TLE1: variants seen among roughly 807,000 people sequenced by gnomAD.
The protein encoded by TLE1 is transducin-like enhancer protein 1.
TLE1 carries 21 observed loss-of-function variants against 89.8 expected under a neutral mutation model. The observed-to-expected ratio is 0.23, with a 90% confidence interval of 0.17 to 0.34. The LOEUF (loss-of-function observed/expected upper bound fraction) is 0.34. TLE1 is among the 10% of genes least tolerant of loss of function. The pLI, the probability that TLE1 is intolerant of heterozygous loss-of-function variation, is 1.00. For missense variants in TLE1, 795 were observed against 1,031.2 expected, an observed-to-expected ratio of 0.77 and a Z score of 3.14; for synonymous variants, 447 against 407.6, an observed-to-expected ratio of 1.10 and a Z score of -1.16.
At chr9:81,648,479 T>C (rs1477916790) in intron 6 of TLE1, among the ~76,000 whole-genome samples, 2 of 152,178 alleles carry the variant, frequency 1.3e-5, no homozygotes, top group Non-Finnish European at 2.9e-5. Flanking sequence ...TGCATTTCAC[T>C]ATATTACAAT....
chr9:81,663,917 C>G (rs565995221), intron 4 of TLE1, among the ~76,000 whole-genome samples: 1 of 152,096 alleles, frequency 6.6e-6, no homozygotes, highest in Non-Finnish European at 1.5e-5. Context: ...AGCCACCACA[C>G]CTGGCCAGAA....
In TLE1 at chr9:81,593,065, T is replaced by C. The variant is rs745687169; in HGVS notation, c.1541A>G (p.His514Arg). The C allele has an allele frequency of 6.2e-7, 1 of 1,613,884 alleles. No individual in the cohort carries two copies. The highest frequency in any genetic ancestry group is 1.3e-5 in the African/African-American group (1 of 74,998). ...GGAGACAGGGCTCTTATTGCCAGGGTGGCTGATGTCCCAGACCTTGACGCA... is the reference window on the plus strand; with the variant it reads ...GGAGACAGGGCTCTTATTGCCAGGGCGGCTGATGTCCCAGACCTTGACGCA... ...KGCVKVWDIS[H>R]PGNKSPVSQL... The change falls in exon 15 of 20, where the codon CAC (histidine) becomes CGC (arginine). Residue 514 changes from histidine (H) to arginine (R), a missense_variant. His to Arg is a conservative substitution (Grantham distance 29, BLOSUM62 0). This residue lies in a region of TLE1 where 214 missense variants were observed against 354.9 expected (regional missense o/e 0.60). Transcript: ENST00000376499.
In TLE1 at chr9:81,596,556, A is replaced by G. The variant is rs1830244236; in HGVS notation, c.1332-3282T>C. On this transcript the variant is annotated intron_variant, in intron 14 of 19. Transcript: ENST00000376499. ...TGAAGGGATCCCAGAAGGAAACTTA[A>G]CTTTCTCTACTGGTTGAGGAACTAG... is the stretch of plus-strand genomic sequence containing the variant. Among the ~76,000 whole-genome samples, 4 of 152,206 alleles carry G rather than the reference A, an allele frequency of 2.6e-5. No homozygotes were observed. The South Asian group carries it at 6.2e-4, about 24-fold the overall frequency.
chr9:81,624,206 TGC>T (rs1438466226), intron 8 of TLE1, among the ~76,000 whole-genome samples: 22 of 152,332 alleles, frequency 1.4e-4, no homozygotes, highest in African/African-American at 4.8e-4. Context: ...CAGAATGCCT[TGC>T]TTTAATCAGG....
intron 4 of TLE1, among the ~76,000 whole-genome samples, chr9:81,677,442 G>A (rs1051749233): frequency 6.6e-6 from 1 of 150,672 alleles, no homozygotes; most frequent in African/African-American, 2.4e-5. Flanking sequence ...GCAGACGCCT[G>A]TAATTCCAGC....
chr9:81,633,114 CTCTCT>C (rs1279192871), intron 8 of TLE1, among the ~76,000 whole-genome samples: 11 of 152,212 alleles, frequency 7.2e-5, no homozygotes, highest in African/African-American at 2.4e-4. Context: ...CAAATTATGC[CTCTCT>C]TGTCTGATGC....
rs141016386 is a variant in TLE1, at chr9:81,612,625, G to A, written c.1064-666C>T. 2.9e-3 allele frequency among the ~76,000 whole-genome samples: 447 copies of A among 152,242 alleles called. 3 individuals carry two copies. The highest frequency in any genetic ancestry group is 0.01 in the African/African-American group (424 of 41,538). On this transcript the variant is annotated intron_variant, in intron 12 of 19. Transcript: ENST00000376499. ...AAACCAGCAAACTATAGTCTGCAAGGAGCACGGTTGGGCCAGCCAAACCGC... is the reference window on the plus strand; with the variant it reads ...AAACCAGCAAACTATAGTCTGCAAGAAGCACGGTTGGGCCAGCCAAACCGC...
chr9:81,687,624 C>T (rs1218966432), intron 1 of TLE1, among the ~76,000 whole-genome samples, 190 bp from the exon 2 acceptor site: 2 of 152,170 alleles, frequency 1.3e-5, no homozygotes, highest in African/African-American at 4.8e-5. Flanking sequence ...GCCCCGGCTT[C>T]TAAAGAGGCT....
chr9:81,588,033 G>C (rs2796463), intron 16 of TLE1, among the ~76,000 whole-genome samples: 35,412 of 151,472 alleles, frequency 0.23, 4,524 homozygotes, highest in Middle Eastern at 0.34. Flanking sequence ...GTCTTTCCCT[G>C]TTTTCCACGA....
intron 18 of TLE1, among the ~76,000 whole-genome samples, chr9:81,585,123 A>G (rs1351991811): frequency 6.6e-6 from 1 of 152,074 alleles, no homozygotes; most frequent in African/African-American, 2.4e-5. Flanking sequence ...GCGTATACCT[A>G]AATATCGACT....
At chr9:81,615,119 A>AAAGAAGAAG (rs772033823) in intron 11 of TLE1, among the ~76,000 whole-genome samples, 1 of 81,316 alleles carries the variant, frequency 1.2e-5, no homozygotes, top group East Asian at 4.3e-4. Flanking sequence ...AAAAAAAAAA[A>AAAGAAGAAG]AAGAAGAAGA....
At position 81,590,960 on chromosome 9, in the gene TLE1, G is replaced by A; in HGVS notation, c.1674C>T (p.Asp558=). 6.2e-7 allele frequency: 1 copy of A among 1,614,270 alleles called. No individual in the cohort carries two copies. The highest frequency in any genetic ancestry group is 8.5e-7 in the Non-Finnish European group (1 of 1,180,050). Residue 558 remains aspartate, a synonymous_variant, in exon 16 of 20, where the codon GAC becomes GAT. Transcript: ENST00000376499. ...TGATGCGCGGGGTTGGAGCCGCCAGGTCCCAAATGGACAAAGTACTGGCTT... is the reference window on the plus strand; with the variant it reads ...TGATGCGCGGGGTTGGAGCCGCCAGATCCCAAATGGACAAAGTACTGGCTT... ...GGEASTLSIW[D]LAAPTPRIKA... is the part of the protein sequence containing the mutation.
intron 18 of TLE1, 47 bp from the exon 19 acceptor site, chr9:81,584,571 T>C: frequency 6.4e-7 from 1 of 1,573,686 alleles, no homozygotes; most frequent in South Asian, 1.1e-5. Context: ...TTAAAATTCC[T>C]ACTATACAAT....
chr9:81,673,828 C>A (rs553423840), intron 4 of TLE1, among the ~76,000 whole-genome samples: 1 of 152,248 alleles, frequency 6.6e-6, no homozygotes, highest in East Asian at 1.9e-4. Flanking sequence ...AAAAAGCCGA[C>A]TTCTGAAAGC....
intron 14 of TLE1, among the ~76,000 whole-genome samples, chr9:81,596,117 G>A (rs1564121493): frequency 1.3e-5 from 2 of 152,164 alleles, no homozygotes; most frequent in East Asian, 3.9e-4. Context: ...TTAAATAGAT[G>A]CACCGAGTAA....
chr9:81,653,105 T>A (rs888127068), intron 5 of TLE1, among the ~76,000 whole-genome samples: 21 of 152,120 alleles, frequency 1.4e-4, no homozygotes, highest in Admixed American at 2.6e-4. Flanking sequence ...GTCTAACAAC[T>A]ACTGATATAC....
chr9:81,620,493 A>T lies in TLE1; in HGVS notation c.659T>A (p.Phe220Tyr). Residue 220 changes from phenylalanine to tyrosine, a missense_variant, in exon 9 of 20, where the codon TTT (phenylalanine) becomes TAT (tyrosine). By Grantham distance (22) the Phe-to-Tyr change is conservative. Transcript: ENST00000376499. ...CTTCCTTTTCTTGATGTCATTGGAA[A>T]ATTCAGGTCCATTTCTGCGTTTATC... ...GTDKRRNGPE[F>Y]SNDIKKRKVD... 2.5e-6 allele frequency: 4 copies of T among 1,614,110 alleles called. No individual in the cohort carries two copies. The highest frequency in any genetic ancestry group is 3.4e-6 in the Non-Finnish European group (4 of 1,179,996).
At chr9:81,667,889 C>T (rs1007400540) in intron 4 of TLE1, among the ~76,000 whole-genome samples, 8 of 152,156 alleles carry the variant, frequency 5.3e-5, no homozygotes, top group Non-Finnish European at 1.0e-4. Context: ...CAGACCCGGG[C>T]GTGATGGCTC....
chr9:81,647,892 A>G (rs2132558903), intron 6 of TLE1, among the ~76,000 whole-genome samples: 1 of 152,290 alleles, frequency 6.6e-6, no homozygotes, highest in South Asian at 2.1e-4. Context: ...GTTAGAAATA[A>G]AATATACAAC....
Sources: allele counts gnomAD v4.1 joint callset (sites outside exome capture counted in the v4.1 genomes callset), GRCh38; gene constraint gnomAD v4.1.1; regional missense constraint gnomAD v4.1.1; transcripts MANE v1.5; gene names NCBI Gene and HGNC (gene_info 2026-07-23, HGNC 2026-07-21).